Variants in MIB1 observed in about 807,000 individuals in gnomAD.
MIB1 encodes E3 ubiquitin-protein ligase MIB1.
A neutral mutation model predicts 124.5 loss-of-function variants in MIB1; 278 were observed. The observed-to-expected ratio is 2.23, with a 90% CI of 2.02 to 2.47. The LOEUF (loss-of-function observed/expected upper bound fraction) is 2.47. MIB1 is among the 30% of genes most tolerant of loss of function. The pLI, the probability that MIB1 is intolerant of heterozygous loss-of-function variation, is 0.00. For missense variants in MIB1, 957 were observed against 1,254.4 expected, an observed-to-expected ratio of 0.76 and a Z score of 3.58; for synonymous variants, 446 against 429.4, an observed-to-expected ratio of 1.04 and a Z score of -0.48.
upstream of MIB1, among the ~76,000 whole-genome samples, chr18:21,736,659 G>A (rs1011277397): frequency 3.9e-5 from 6 of 152,164 alleles, no homozygotes; most frequent in Non-Finnish European, 5.9e-5. Context: ...AACCAATTTA[G>A]AGAAGAACAT....
chr18:21,800,472 A>G (rs1322561477), intron 9 of MIB1, among the ~76,000 whole-genome samples: 13 of 152,122 alleles, frequency 8.5e-5, no homozygotes, highest in Non-Finnish European at 1.9e-4. Context: ...TAAAGGCCAT[A>G]TATTTTATAA....
Position 21,838,379 on chromosome 18 carries a change from T to G in MIB1, c.1844T>G (p.Leu615Ter), listed in dbSNP as rs768461152. The G allele has an allele frequency of 6.3e-7, 1 of 1,597,578 alleles. No individual in the cohort carries two copies. The highest frequency in any genetic ancestry group is 8.5e-7 in the Non-Finnish European group (1 of 1,171,264). ...TTAACTTTCAGTGCAATGCGTGTTT[T>G]ACTATCTAAATTACCAAGACCATGG... ...LRGNPSAMRV[L>*]LSKLPRPWIV... is the part of the protein sequence containing the mutation. The change falls in exon 13 of 21, where the codon TTA becomes TGA. Residue 615 changes from leucine (L) to a stop codon, truncating the protein, a stop_gained. Transcript: ENST00000261537. LOFTEE classifies it high-confidence loss of function.
rs777937203 is a variant in MIB1 at position 21,847,050 on chromosome 18, G to T, written c.2318G>T (p.Gly773Val). 6.2e-7 allele frequency: 1 copy of T among 1,614,014 alleles called. No homozygotes were observed. The highest frequency in any genetic ancestry group is 8.5e-7 in the Non-Finnish European group (1 of 1,180,032). The change falls in exon 16 of 21, where the codon GGT becomes GTT. Residue 773 changes from glycine (G) to valine (V), a missense_variant. Transcript: ENST00000261537. ...GACCTGAGCATTCGAAATAAGAAGGGTCAATCGCCACTTGATCTCTGTCCT... is the reference window on the plus strand; with the variant it reads ...GACCTGAGCATTCGAAATAAGAAGGTTCAATCGCCACTTGATCTCTGTCCT... ...GADLSIRNKK[G>V]QSPLDLCPDP... is the part of the protein sequence containing the mutation.
intron 18 of MIB1, among the ~76,000 whole-genome samples, chr18:21,856,594 A>G (rs972816719): frequency 6.6e-6 from 1 of 152,200 alleles, no homozygotes; most frequent in Admixed American, 6.5e-5. Flanking sequence ...GAGCATTAGG[A>G]CAAATAGCTA....
intron 20 of MIB1, among the ~76,000 whole-genome samples, chr18:21,861,363 C>T (rs979786375): frequency 2.0e-5 from 3 of 151,930 alleles, no homozygotes; most frequent in East Asian, 3.9e-4. Flanking sequence ...AAGACATCTA[C>T]AGAATAAGCT....
At chr18:21,716,287 TAC>T (rs1379201249) in intron 1 of MIB1, among the ~76,000 whole-genome samples, 8 of 152,164 alleles carry the variant, frequency 5.3e-5, no homozygotes, top group African/African-American at 1.7e-4. Context: ...GAAGGAAAGA[TAC>T]AGTCTTTTTC....
intron 1 of MIB1, among the ~76,000 whole-genome samples, chr18:21,707,769 A>C (rs1435828153): frequency 1.3e-5 from 2 of 152,216 alleles, no homozygotes; most frequent in African/African-American, 4.8e-5. Flanking sequence ...GGCATGAGCC[A>C]CTGTGCCTGG....
chr18:21,848,020 T>G (rs2042149556), intron 16 of MIB1, among the ~76,000 whole-genome samples: 1 of 152,214 alleles, frequency 6.6e-6, no homozygotes, highest in Admixed American at 6.5e-5. Flanking sequence ...TAGTGTTCCT[T>G]GCCTCTCTCA....
At chr18:21,780,746 C>A (rs1266488013) in intron 6 of MIB1, among the ~76,000 whole-genome samples, 2 of 152,082 alleles carry the variant, frequency 1.3e-5, no homozygotes, top group Non-Finnish European at 2.9e-5. Context: ...CCATACCCGG[C>A]CCACATTTTC....
At chr18:21,766,771 C>G (rs1403552859) in intron 2 of MIB1, among the ~76,000 whole-genome samples, 1 of 152,064 alleles carries the variant, frequency 6.6e-6, no homozygotes, top group Non-Finnish European at 1.5e-5. Flanking sequence ...GGGCGGGTGG[C>G]TCATGCCTTT....
At chr18:21,790,335 A>G (rs1389981410) in intron 6 of MIB1, among the ~76,000 whole-genome samples, 2 of 152,216 alleles carry the variant, frequency 1.3e-5, no homozygotes, top group Non-Finnish European at 2.9e-5. Flanking sequence ...ATTGGTGACA[A>G]TTTGGAAGCA....
chr18:21,749,486 T>A (rs1191269272), intron 1 of MIB1, among the ~76,000 whole-genome samples: 1 of 152,216 alleles, frequency 6.6e-6, no homozygotes, highest in African/African-American at 2.4e-5. Flanking sequence ...TTTTAGCTTT[T>A]AAATTAATTT....
chr18:21,802,389 T>C (rs916693748), intron 9 of MIB1, among the ~76,000 whole-genome samples: 5 of 152,152 alleles, frequency 3.3e-5, no homozygotes, highest in Admixed American at 6.5e-5. Context: ...CTGTTTTTTT[T>C]CTTTCCTCCA....
intron 1 of MIB1, among the ~76,000 whole-genome samples, chr18:21,709,753 T>C (rs752640129): frequency 6.6e-6 from 1 of 152,186 alleles, no homozygotes; most frequent in African/African-American, 2.4e-5. Context: ...ACCTCAAGCA[T>C]GTAATGGAGC....
chr18:21,791,235 G>T (rs903512027), intron 6 of MIB1, 139 bp from the exon 7 acceptor site: 16 of 551,708 alleles, frequency 2.9e-5, no homozygotes, highest in South Asian at 5.6e-5. Context: ...ATATGTATTT[G>T]TGTATATATA....
At chr18:21,818,012 A>C (rs1218903970) in intron 11 of MIB1, among the ~76,000 whole-genome samples, 1 of 152,262 alleles carries the variant, frequency 6.6e-6, no homozygotes, top group African/African-American at 2.4e-5. Flanking sequence ...ACTTACTGCT[A>C]AGTCAATTGA....
chr18:21,754,445 A>T (rs1022314598), intron 1 of MIB1, among the ~76,000 whole-genome samples: 2 of 152,196 alleles, frequency 1.3e-5, no homozygotes, highest in Non-Finnish European at 2.9e-5. Context: ...CACACTGCCT[A>T]TGCTGCCCAC....
chr18:21,740,084 A>C (rs1321463793), upstream of MIB1, among the ~76,000 whole-genome samples: 1 of 152,182 alleles, frequency 6.6e-6, no homozygotes, highest in South Asian at 2.1e-4. Flanking sequence ...GCAACAGTTT[A>C]TGCTAACAAT....
chr18:21,759,530 C>T (rs567121452), intron 1 of MIB1, among the ~76,000 whole-genome samples: 2 of 152,164 alleles, frequency 1.3e-5, no homozygotes, highest in Non-Finnish European at 2.9e-5. Flanking sequence ...TGTGAGCCAC[C>T]GTGCCTGGCC....
Sources: gnomAD v4.1 joint callset for allele counts (sites outside exome capture counted in the v4.1 genomes callset) on GRCh38, gnomAD v4.1.1 for gene constraint, MANE v1.5 for transcripts, NCBI Gene and HGNC (gene_info 2026-07-23, HGNC 2026-07-21) for gene names.